GRIK1: variants seen among roughly 807,000 people sequenced by gnomAD.
GRIK1 encodes glutamate receptor ionotropic, kainate 1.
Under a neutral mutation model 105.7 loss-of-function variants are expected in GRIK1, and 69 were observed. The ratio of observed to expected loss-of-function variants is 0.65; its 90% confidence interval spans 0.54 to 0.80. The LOEUF (loss-of-function observed/expected upper bound fraction) is 0.80. GRIK1 is among the 30% of genes least tolerant of loss of function. The pLI, the probability that GRIK1 is intolerant of heterozygous loss-of-function variation, is 0.00. For synonymous variants in GRIK1, 438 were observed against 431.3 expected, an observed-to-expected ratio of 1.02 and a Z score of -0.19; for missense variants, 1,109 against 1,167.3, an observed-to-expected ratio of 0.95 and a Z score of 0.73.
chr21:29,759,833 T>C (rs2065462124), intron 1 of GRIK1, among the ~76,000 whole-genome samples: 1 of 152,252 alleles, frequency 6.6e-6, no homozygotes. Context: ...TAGGCAGTGA[T>C]AGATGCTAAG....
In GRIK1 at chr21:29,810,354, T is replaced by C. The variant is rs137925412; in HGVS notation, c.119-116291A>G. On this transcript the variant is annotated intron_variant, in intron 1 of 17. Transcript: ENST00000327783. ...CACAGATCACCGTAACAAACTGAAA[T>C]ATTTCAAGAATTACCGAAATGTGAT... 5.3e-4 allele frequency among the ~76,000 whole-genome samples: 80 copies of C among 151,404 alleles called. No individual in the cohort carries two copies. In the East Asian group the frequency reaches 0.013, roughly 24 times the overall value.
At position 29,635,066 on chromosome 21, in the gene GRIK1, G is replaced by A. The variant is rs112296067; in HGVS notation, c.1098+7760C>T. 4.6e-3 allele frequency among the ~76,000 whole-genome samples: 702 copies of A among 152,270 alleles called. 5 individuals carry two copies. The highest frequency in any genetic ancestry group is 0.016 in the African/African-American group (666 of 41,544). On this transcript the variant is annotated intron_variant, in intron 7 of 17. Coordinates refer to ENST00000327783, the MANE Select transcript of GRIK1 (RefSeq NM_001330994.2). ...ATGATGAGGGCAGTGGGCAAAGAAG[G>A]TTGAGAAAAAATATCTCTGACAGAC... is the stretch of plus-strand genomic sequence containing the variant.
intron 7 of GRIK1, among the ~76,000 whole-genome samples, chr21:29,621,702 G>C (rs556528615): frequency 1.1e-4 from 16 of 152,226 alleles, no homozygotes; most frequent in African/African-American, 3.9e-4. Context: ...GGACAAGACT[G>C]GTATGAAATG....
chr21:29,836,957 C>T (rs796341903), intron 1 of GRIK1, among the ~76,000 whole-genome samples: 3 of 152,294 alleles, frequency 2.0e-5, no homozygotes, highest in African/African-American at 7.2e-5. Context: ...AAGTCCAACT[C>T]TCACCTTAGG....
At chr21:29,782,938 A>T (rs1436480660) in intron 1 of GRIK1, among the ~76,000 whole-genome samples, 2 of 152,168 alleles carry the variant, frequency 1.3e-5, no homozygotes, top group African/African-American at 4.8e-5. Flanking sequence ...ATCTTGGTGT[A>T]AAATCGTAGG....
At chr21:29,700,908 A>C (rs2146767221) in intron 1 of GRIK1, among the ~76,000 whole-genome samples, 1 of 152,336 alleles carries the variant, frequency 6.6e-6, no homozygotes, top group Middle Eastern at 3.4e-3. Flanking sequence ...AAACAAAAAA[A>C]ACACAGGAAA....
chr21:29,643,530 C>T (rs2062557163), intron 6 of GRIK1, among the ~76,000 whole-genome samples: 1 of 152,194 alleles, frequency 6.6e-6, no homozygotes, highest in Non-Finnish European at 1.5e-5. Flanking sequence ...TTGGGAGACC[C>T]TCTGAAGGGC....
intron 1 of GRIK1, among the ~76,000 whole-genome samples, chr21:29,885,909 A>C (rs577825967): frequency 3.3e-5 from 5 of 152,252 alleles, no homozygotes; most frequent in African/African-American, 1.2e-4. Flanking sequence ...TATCTTTCCC[A>C]TTAGAACCAT....
intron 1 of GRIK1, among the ~76,000 whole-genome samples, chr21:29,720,536 G>A (rs1386939746): frequency 6.6e-6 from 1 of 152,030 alleles, no homozygotes; most frequent in Non-Finnish European, 1.5e-5. Context: ...GTATATGTGT[G>A]TATGTATACA....
chr21:29,636,672 C>T lies in GRIK1; in HGVS notation c.1098+6154G>A, dbSNP rs116281971. On this transcript the variant is annotated intron_variant, in intron 7 of 17. Transcript: ENST00000327783. ...ATATTTCTCTTGAATAAATCTGTTT[C>T]CCTTTCAGCTCTTTATGAATGGTGA... is the stretch of plus-strand genomic sequence containing the variant. Among the ~76,000 whole-genome samples, 491 of 152,254 alleles carry T rather than the reference C, an allele frequency of 3.2e-3. 4 individuals carry two copies. Among genetic ancestry groups the T allele is most frequent in the African/African-American group, 0.011 (472 of 41,542 alleles).
chr21:29,820,587 A>G (rs2067273773), intron 1 of GRIK1, among the ~76,000 whole-genome samples: 1 of 152,060 alleles, frequency 6.6e-6, no homozygotes, highest in African/African-American at 2.4e-5. Context: ...AATCACTGCA[A>G]GAGAGTGATG....
At chr21:29,903,332 A>G (rs977172791) in intron 1 of GRIK1, among the ~76,000 whole-genome samples, 4 of 152,256 alleles carry the variant, frequency 2.6e-5, no homozygotes, top group Non-Finnish European at 5.9e-5. Context: ...AATTATCATC[A>G]GAGTGAACAG....
At chr21:29,703,445 C>T (rs186937591) in intron 1 of GRIK1, among the ~76,000 whole-genome samples, 17 of 131,434 alleles carry the variant, frequency 1.3e-4, no homozygotes, top group East Asian at 2.2e-4. Context: ...ATTCTATAGC[C>T]TCTCTATTGC....
chr21:29,629,194 A>ATGTGTGTGTGTGTGTGTG (rs71191120), intron 7 of GRIK1, among the ~76,000 whole-genome samples: 1 of 132,570 alleles, frequency 7.5e-6, no homozygotes, highest in African/African-American at 3.1e-5. Context: ...GAAAGGAGAA[A>ATGTGTGTGTGTGTGTGTG]TGTGTGTGTG....
At chr21:29,661,791 G>A (rs889126637) in intron 4 of GRIK1, among the ~76,000 whole-genome samples, 16 of 152,118 alleles carry the variant, frequency 1.1e-4, no homozygotes, top group Non-Finnish European at 1.9e-4. Flanking sequence ...CTTTGGTAAC[G>A]TCAAAAACAT....
intron 1 of GRIK1, among the ~76,000 whole-genome samples, chr21:29,938,431 G>T (rs1244862392): frequency 2.0e-5 from 3 of 152,200 alleles, no homozygotes; most frequent in African/African-American, 7.2e-5. Flanking sequence ...ACAATAACTG[G>T]GTTTAGTTTA....
intron 3 of GRIK1, among the ~76,000 whole-genome samples, chr21:29,688,976 T>A (rs368448990): frequency 5.9e-5 from 9 of 152,272 alleles, no homozygotes; most frequent in African/African-American, 2.2e-4. Context: ...TGAAAATGGC[T>A]GGATGATGAA....
Position 29,802,707 on chromosome 21 carries a change from G to A in GRIK1, c.119-108644C>T, listed in dbSNP as rs190525950. ...ATACCAATCATAAAAACAGAAACCC[G>A]AAAGAATCTCTCCTTGACTATCCAT... On this transcript the variant is annotated intron_variant, in intron 1 of 17. Transcript: ENST00000327783. Among the ~76,000 whole-genome samples the A allele has an allele frequency of 9.4e-4, 143 of 152,218 alleles. 1 individual carries two copies. The highest frequency in any genetic ancestry group is 3.1e-3 in the African/African-American group (128 of 41,546).
chr21:29,647,277 G>C (rs2062640086), intron 6 of GRIK1, among the ~76,000 whole-genome samples: 2 of 152,222 alleles, frequency 1.3e-5, no homozygotes, highest in Admixed American at 6.5e-5. Context: ...TTATTGTACA[G>C]ATTTATGGAT....
Sources: allele counts gnomAD v4.1 joint callset (sites outside exome capture counted in the v4.1 genomes callset), GRCh38; gene constraint gnomAD v4.1.1; transcripts MANE v1.5; gene names NCBI Gene and HGNC (gene_info 2026-07-23, HGNC 2026-07-21).